CSMD3: variants seen among roughly 807,000 people sequenced by gnomAD.
The protein encoded by CSMD3 is CUB and sushi domain-containing protein 3.
In CSMD3, 177 loss-of-function variants were observed where a neutral mutation model predicts 435.2. That is an observed-to-expected ratio of 0.41 (90% CI 0.36 to 0.46). The LOEUF (loss-of-function observed/expected upper bound fraction) is 0.46, where lower values mean the gene tolerates loss of function less well. CSMD3 is among the 20% of genes least tolerant of loss of function. The pLI, the probability that CSMD3 is intolerant of heterozygous loss-of-function variation, is 0.34. For synonymous variants in CSMD3, 1,656 were observed against 1,520.5 expected, an observed-to-expected ratio of 1.09 and a Z score of -2.07; for missense variants, 4,265 against 4,504.6, an observed-to-expected ratio of 0.95 and a Z score of 1.52.
At chr8:112,973,240 A>G (rs1020456640) in intron 7 of CSMD3, among the ~76,000 whole-genome samples, 2 of 151,946 alleles carry the variant, frequency 1.3e-5, no homozygotes, top group African/African-American at 4.8e-5. Context: ...TTTTAACTAT[A>G]TTGTGGATAA....
intron 12 of CSMD3, among the ~76,000 whole-genome samples, chr8:112,824,148 GC>G (rs762215374): frequency 6.6e-6 from 1 of 151,838 alleles, no homozygotes; most frequent in Non-Finnish European, 1.5e-5. Context: ...TTCAACCCCT[GC>G]TTTTTTTTTG....
intron 13 of CSMD3, among the ~76,000 whole-genome samples, chr8:112,700,671 A>G (rs1266804971): frequency 6.6e-6 from 1 of 151,962 alleles, no homozygotes; most frequent in Non-Finnish European, 1.5e-5. Flanking sequence ...TCTCAGGCTC[A>G]TGCAGGCTTA....
intron 13 of CSMD3, among the ~76,000 whole-genome samples, chr8:112,771,033 T>C (rs989162308): frequency 5.9e-5 from 9 of 151,956 alleles, no homozygotes; most frequent in African/African-American, 1.7e-4. Flanking sequence ...TAAAAATCTA[T>C]AAATAAAATC....
intron 38 of CSMD3, among the ~76,000 whole-genome samples, chr8:112,356,437 A>G (rs1008259433): frequency 6.6e-6 from 1 of 152,134 alleles, no homozygotes; most frequent in African/African-American, 2.4e-5. Context: ...ATTGTCACTT[A>G]TAAGTGGGAG....
At chr8:112,366,488 C>G (rs1433918406) in intron 38 of CSMD3, among the ~76,000 whole-genome samples, 2 of 152,002 alleles carry the variant, frequency 1.3e-5, no homozygotes. Flanking sequence ...ACCTCTGCCT[C>G]CCGGGTTCAA....
At chr8:113,303,015 T>C (rs2093786318) in intron 2 of CSMD3, among the ~76,000 whole-genome samples, 2 of 83,730 alleles carry the variant, frequency 2.4e-5, no homozygotes, top group Non-Finnish European at 4.5e-5. Flanking sequence ...GAAAACCCCA[T>C]CATCTCAGCC....
At chr8:112,230,896 C>A (rs1813024018) in intron 69 of CSMD3, among the ~76,000 whole-genome samples, 1 of 152,070 alleles carries the variant, frequency 6.6e-6, no homozygotes, top group African/African-American at 2.4e-5. Context: ...CTTTGTGTAT[C>A]CCTGTCACAG....
chr8:112,406,427 C>A, intron 35 of CSMD3, 97 bp downstream of exon 35: 1 of 644,344 alleles, frequency 1.6e-6, no homozygotes, highest in Non-Finnish European at 2.6e-6. Flanking sequence ...AAATTAAGTA[C>A]ATAATTATTA....
At chr8:112,312,680 A>G (rs1193424359) in intron 49 of CSMD3, among the ~76,000 whole-genome samples, 1 of 152,214 alleles carries the variant, frequency 6.6e-6, no homozygotes, top group Non-Finnish European at 1.5e-5. Flanking sequence ...AAGTTATTCT[A>G]ATATGTAAAA....
intron 1 of CSMD3, among the ~76,000 whole-genome samples, chr8:113,428,494 T>C (rs1375163994): frequency 2.0e-5 from 3 of 151,772 alleles, no homozygotes; most frequent in Non-Finnish European, 4.4e-5. Context: ...CAGAAAAATG[T>C]GTATTACTCG....
intron 22 of CSMD3, among the ~76,000 whole-genome samples, chr8:112,632,312 T>G (rs947182080): frequency 6.6e-6 from 1 of 152,048 alleles, no homozygotes; most frequent in Non-Finnish European, 1.5e-5. Context: ...AATATGTAGA[T>G]GTGTAATATA....
chr8:112,240,510 G>T (rs531057199), intron 66 of CSMD3, among the ~76,000 whole-genome samples: 7 of 151,990 alleles, frequency 4.6e-5, no homozygotes, highest in Non-Finnish European at 8.8e-5. Context: ...GAGCTTGGTG[G>T]TCCCTCCACT....
chr8:113,263,554 G>A (rs2093444029), intron 3 of CSMD3, among the ~76,000 whole-genome samples: 1 of 151,776 alleles, frequency 6.6e-6, no homozygotes, highest in African/African-American at 2.4e-5. Context: ...TTATGACTTT[G>A]CAAGAACTAA....
intron 59 of CSMD3, among the ~76,000 whole-genome samples, chr8:112,280,713 C>T (rs1165725378): frequency 2.6e-5 from 4 of 151,980 alleles, no homozygotes; most frequent in Non-Finnish European, 5.9e-5. Flanking sequence ...CTCCAAAGTG[C>T]CATCTATTTT....
chr8:112,366,177 T>C (rs958566652), intron 38 of CSMD3, among the ~76,000 whole-genome samples: 1 of 151,998 alleles, frequency 6.6e-6, no homozygotes, highest in Non-Finnish European at 1.5e-5. Flanking sequence ...ATGGCAACAG[T>C]TTTTTGGGAA....
At chr8:113,066,175 A>T (rs1341452730) in intron 5 of CSMD3, among the ~76,000 whole-genome samples, 1 of 151,594 alleles carries the variant, frequency 6.6e-6, no homozygotes. Context: ...AAAGCGAGAC[A>T]AATTGTTTGG....
intron 22 of CSMD3, among the ~76,000 whole-genome samples, chr8:112,602,895 C>G (rs967844374): frequency 5.3e-5 from 8 of 152,092 alleles, no homozygotes; most frequent in Non-Finnish European, 1.2e-4. Flanking sequence ...TGGTACATAT[C>G]AAGCAATTCA....
chr8:112,614,033 C>A (rs1833477993), intron 22 of CSMD3, among the ~76,000 whole-genome samples: 1 of 151,924 alleles, frequency 6.6e-6, no homozygotes, highest in Non-Finnish European at 1.5e-5. Flanking sequence ...GGAGAATAAG[C>A]AAATTAGAAA....
intron 1 of CSMD3, among the ~76,000 whole-genome samples, chr8:113,415,443 T>C (rs748177486): frequency 2.0e-4 from 30 of 152,238 alleles, no homozygotes; most frequent in Admixed American, 7.9e-4. Context: ...AGCATCAACG[T>C]AGAAAAAAAC....
Sources: allele counts gnomAD v4.1 joint callset (sites outside exome capture counted in the v4.1 genomes callset), GRCh38; gene constraint gnomAD v4.1.1; transcripts MANE v1.5; gene names NCBI Gene and HGNC (gene_info 2026-07-23, HGNC 2026-07-21).